The following TRPS1 variants were observed in gnomAD, a reference collection of about 807,000 sequenced individuals.
TRPS1 encodes zinc finger transcription factor Trps1.
TRPS1 carries 6 observed loss-of-function variants against 101.2 expected under a neutral mutation model. The observed-to-expected ratio is 0.06, with a 90% confidence interval of 0.03 to 0.12. The LOEUF is 0.12. TRPS1 is among the 10% of genes least tolerant of loss of function. The probability of loss-of-function intolerance (pLI) is 1.00; values close to 1 mark genes in which losing one functional copy is unlikely to be tolerated. For missense variants in TRPS1, 1,363 were observed against 1,567.0 expected, an observed-to-expected ratio of 0.87 and a Z score of 2.20; for synonymous variants, 578 against 589.8, an observed-to-expected ratio of 0.98 and a Z score of 0.29.
intron 5 of TRPS1, among the ~76,000 whole-genome samples, chr8:115,546,847 A>G (rs973433379): frequency 6.6e-6 from 1 of 152,166 alleles, no homozygotes; most frequent in African/African-American, 2.4e-5. Context: ...TTCGAGATCC[A>G]GGTTGGTAAA....
chr8:115,667,696 GGA>G (rs1811956416), intron 1 of TRPS1, among the ~76,000 whole-genome samples: 1 of 152,216 alleles, frequency 6.6e-6, no homozygotes, highest in Non-Finnish European at 1.5e-5. Context: ...GTGCACCAAG[GGA>G]TGCGACACCC....
At chr8:115,506,961 T>A (rs753739231) in intron 5 of TRPS1, among the ~76,000 whole-genome samples, 4 of 152,142 alleles carry the variant, frequency 2.6e-5, no homozygotes, top group Non-Finnish European at 5.9e-5. Context: ...TTTTCAGTTT[T>A]TAAAACTATA....
intron 5 of TRPS1, among the ~76,000 whole-genome samples, chr8:115,535,546 C>T (rs990102995): frequency 1.1e-4 from 16 of 148,048 alleles, no homozygotes; most frequent in Middle Eastern, 3.6e-3. Context: ...ATATATATAG[C>T]GCATATATAT....
intron 5 of TRPS1, among the ~76,000 whole-genome samples, chr8:115,493,887 G>C (rs1815089260): frequency 6.6e-6 from 1 of 152,002 alleles, no homozygotes; most frequent in African/African-American, 2.4e-5. Context: ...GCTATAGCAT[G>C]GAATTATTTT....
At chr8:115,555,965 C>A (rs929052418) in intron 5 of TRPS1, among the ~76,000 whole-genome samples, 20 of 151,996 alleles carry the variant, frequency 1.3e-4, no homozygotes, top group African/African-American at 4.8e-4. Flanking sequence ...AGGGAGGCTG[C>A]AGTGAACCAT....
chr8:115,572,515 T>G (rs1466748136), intron 5 of TRPS1, among the ~76,000 whole-genome samples: 1 of 152,172 alleles, frequency 6.6e-6, no homozygotes, highest in Non-Finnish European at 1.5e-5. Flanking sequence ...TTTTTTCTTG[T>G]GCTGTAATCG....
chr8:115,491,392 C>T lies in TRPS1; in HGVS notation c.2701-72940G>A, dbSNP rs557294588. On this transcript the variant is annotated intron_variant, in intron 5 of 6. Transcript: ENST00000395715. ...TTAGCGCATTAGATCATTACCCATT[C>T]CATCCTGAAGTGTAATTGGCTTGCT... 3.3e-5 allele frequency among the ~76,000 whole-genome samples: 5 copies of T among 152,268 alleles called. No homozygotes were observed. In the South Asian group the frequency reaches 1.0e-3, roughly 32 times the overall value.
chr8:115,422,927 G>A (rs1320338750), intron 5 of TRPS1, among the ~76,000 whole-genome samples: 5 of 152,176 alleles, frequency 3.3e-5, no homozygotes, highest in Non-Finnish European at 5.9e-5. Context: ...ATAGGAATAA[G>A]TAGCTAGCCG....
At chr8:115,543,565 G>C (rs926152605) in intron 5 of TRPS1, among the ~76,000 whole-genome samples, 2 of 152,020 alleles carry the variant, frequency 1.3e-5, no homozygotes, top group African/African-American at 2.4e-5. Flanking sequence ...AAGATAAAAA[G>C]TTTTAAAAAT....
intron 5 of TRPS1, among the ~76,000 whole-genome samples, chr8:115,507,454 C>G (rs1294797340): frequency 1.3e-5 from 2 of 151,958 alleles, no homozygotes; most frequent in Admixed American, 1.3e-4. Context: ...CTGATTGATT[C>G]TGGTCATTAT....
At position 115,543,529 on chromosome 8, in the gene TRPS1, A is replaced by C. The variant is rs531672245; in HGVS notation, c.2700+43472T>G. ...TTGGTTCTAAGATATGCAAGTGAGC[A>C]TTTAAAAAATATATATCTATATACC... On this transcript the variant is annotated intron_variant, in intron 5 of 6. Transcript: ENST00000395715. 2.0e-5 allele frequency among the ~76,000 whole-genome samples: 3 copies of C among 152,300 alleles called. No homozygotes were observed. The East Asian group carries it at 5.8e-4, about 29-fold the overall frequency.
intron 1 of TRPS1, among the ~76,000 whole-genome samples, chr8:115,650,813 C>T (rs1811541806): frequency 6.6e-6 from 1 of 152,166 alleles, no homozygotes; most frequent in South Asian, 2.1e-4. Context: ...ATCCAATATC[C>T]TCTTGCTGCC....
At chr8:115,628,778 A>C (rs976520414) in intron 1 of TRPS1, among the ~76,000 whole-genome samples, 3 of 151,848 alleles carry the variant, frequency 2.0e-5, no homozygotes, top group Non-Finnish European at 4.4e-5. Context: ...GTAACTGTTT[A>C]AGCATAGATG....
intron 5 of TRPS1, among the ~76,000 whole-genome samples, chr8:115,429,869 T>C (rs566740264): frequency 9.2e-5 from 14 of 152,258 alleles, no homozygotes; most frequent in Non-Finnish European, 1.6e-4. Context: ...TAGCAAGAAA[T>C]TACCCACAAT....
intron 5 of TRPS1, among the ~76,000 whole-genome samples, chr8:115,424,372 A>G (rs551014781): frequency 2.2e-4 from 33 of 152,346 alleles, no homozygotes; most frequent in African/African-American, 7.7e-4. Context: ...ACAGTAATAC[A>G]ATTTCAGTGG....
chr8:115,451,069 T>C (rs999709069), intron 5 of TRPS1, among the ~76,000 whole-genome samples: 32 of 152,302 alleles, frequency 2.1e-4, no homozygotes, highest in African/African-American at 7.7e-4. Flanking sequence ...TCTTCACATC[T>C]TTACTTTTAA....
At chr8:115,541,418 T>C (rs964321747) in intron 5 of TRPS1, among the ~76,000 whole-genome samples, 9 of 152,236 alleles carry the variant, frequency 5.9e-5, no homozygotes, top group African/African-American at 2.2e-4. Context: ...TTTATTCTAG[T>C]GTAACCAATT....
intron 5 of TRPS1, among the ~76,000 whole-genome samples, chr8:115,477,404 T>A (rs1227869719): frequency 6.6e-6 from 1 of 152,234 alleles, no homozygotes; most frequent in East Asian, 1.9e-4. Context: ...TCACAACTGG[T>A]AGAGGCTCTC....
intron 1 of TRPS1, among the ~76,000 whole-genome samples, chr8:115,647,933 A>C (rs954161431): frequency 6.6e-6 from 1 of 151,922 alleles, no homozygotes; most frequent in Admixed American, 6.5e-5. Flanking sequence ...ACTTTTTGAT[A>C]GCCAGAGATT....
Sources: gnomAD v4.1 joint callset for allele counts (sites outside exome capture counted in the v4.1 genomes callset) on GRCh38, gnomAD v4.1.1 for gene constraint, MANE v1.5 for transcripts, NCBI Gene and HGNC (gene_info 2026-07-23, HGNC 2026-07-21) for gene names.